PCDHA6: variants seen among roughly 807,000 people sequenced by gnomAD.
PCDHA6 encodes protocadherin alpha-6.
A neutral mutation model predicts 60.3 loss-of-function variants in PCDHA6; 55 were observed. The ratio of observed to expected loss-of-function variants is 0.91; its 90% CI spans 0.73 to 1.14. PCDHA6 has a LOEUF of 1.14. PCDHA6 is among the 50% of genes most tolerant of loss of function. The probability of loss-of-function intolerance (pLI) is 0.00; values close to 1 mark genes in which losing one functional copy is unlikely to be tolerated. For synonymous variants in PCDHA6, 652 were observed against 557.9 expected (o/e 1.17, Z -2.38); for missense variants, 1,327 against 1,256.5 (o/e 1.06, Z -0.85).
intron 1 of PCDHA6, among the ~76,000 whole-genome samples, chr5:140,912,282 C>A (rs1211433751): frequency 6.6e-6 from 1 of 151,982 alleles, no homozygotes; most frequent in African/African-American, 2.4e-5. Flanking sequence ...TACCCAGGAA[C>A]AATACTTTGC....
chr5:140,857,531 G>A, intron 1 of PCDHA6: 2 of 1,597,582 alleles, frequency 1.3e-6, no homozygotes, highest in East Asian at 2.2e-5. Context: ...CTCTCTGGTG[G>A]AGCGGCGGTT....
At chr5:140,916,367 C>T (rs1400347792) in intron 1 of PCDHA6, among the ~76,000 whole-genome samples, 2 of 152,196 alleles carry the variant, frequency 1.3e-5, no homozygotes, top group Non-Finnish European at 1.5e-5. Context: ...GAGTCTTTCA[C>T]TGTAGCCACC....
chr5:140,836,764 A>G (rs1774728694), intron 1 of PCDHA6: 2 of 1,563,418 alleles, frequency 1.3e-6, no homozygotes, highest in Non-Finnish European at 1.7e-6. Context: ...TCTTGTTTCC[A>G]ACAATTTTAA....
intron 1 of PCDHA6, chr5:140,871,085 CG>C: frequency 6.2e-7 from 1 of 1,613,246 alleles, no homozygotes. Context: ...CTGACGGCCA[CG>C]GCCACCGTGC....
intron 1 of PCDHA6, among the ~76,000 whole-genome samples, chr5:140,960,928 AAGTTT>A (rs2095579865): frequency 6.6e-6 from 1 of 152,184 alleles, no homozygotes; most frequent in South Asian, 2.1e-4. Context: ...AATTGGTACT[AAGTTT>A]AGTGAATTAG....
chr5:140,862,656 C>T, intron 1 of PCDHA6: 1 of 545,296 alleles, frequency 1.8e-6, no homozygotes, highest in Admixed American at 1.9e-5. Flanking sequence ...CCGCGCGGGA[C>T]CGGGACGCGC....
chr5:140,900,817 A>G (rs2068314504), intron 1 of PCDHA6, among the ~76,000 whole-genome samples: 1 of 152,154 alleles, frequency 6.6e-6, no homozygotes, highest in Non-Finnish European at 1.5e-5. Context: ...ACTAATTTAC[A>G]TTCCCACCAA....
At position 140,853,168 on chromosome 5, in the gene PCDHA6, C is replaced by T. The variant is rs2150529261; in HGVS notation, c.2394+22683C>T. 37 of 960,760 alleles carry T rather than the reference C, an allele frequency of 3.9e-5. 1 individual carries two copies. Among genetic ancestry groups the T allele is most frequent in the Admixed American group, 1.3e-4 (2 of 15,838 alleles). 59.5% of individuals were successfully genotyped at this position (960,760 alleles called of 1,614,324 possible). On this transcript the variant is annotated intron_variant, in intron 1 of 3. Transcript: ENST00000529310. ...TGCTGGGATTACAGGCGTGAGCCAC[C>T]GCGCCTGGCCTAAAATGTGTTCTTT... is the stretch of plus-strand genomic sequence containing the variant.
intron 1 of PCDHA6, chr5:140,968,973 C>T (rs1404110882): frequency 4.3e-6 from 7 of 1,614,076 alleles, no homozygotes; most frequent in African/African-American, 2.7e-5. Flanking sequence ...CGCTACACTG[C>T]GTATGGCACT....
In PCDHA6 at chr5:140,982,560, C is replaced by T. The variant is rs782437404; in HGVS notation, c.2539C>T (p.Pro847Ser). 6.2e-7 allele frequency: 1 copy of T among 1,614,098 alleles called. No homozygotes were observed. Among genetic ancestry groups the T allele is most frequent in the Admixed American group, 1.7e-5 (1 of 60,022 alleles). ...GTGGCCAACAGTATCCAGTGCAACA[C>T]CAGGTAAAGAGCTGGGGTCTCTCCA... ...QQWPTVSSAT[P>S]EPEAGEVSPP... The change falls in exon 3 of 4, where the codon CCA (proline) becomes TCA (serine). Residue 847 changes from proline (P) to serine (S), a missense_variant. Coordinates refer to ENST00000529310, the MANE Select transcript of PCDHA6 (RefSeq NM_018909.4).
At chr5:140,929,189 A>G (rs782622519) in intron 1 of PCDHA6, 62 of 1,614,180 alleles carry the variant, frequency 3.8e-5, no homozygotes, top group Non-Finnish European at 4.7e-5. Flanking sequence ...GGTTCTGATA[A>G]TAACAGTTTG....
intron 3 of PCDHA6, among the ~76,000 whole-genome samples, chr5:141,004,079 A>G (rs1192943756): frequency 1.3e-5 from 2 of 152,210 alleles, no homozygotes; most frequent in Non-Finnish European, 2.9e-5. Context: ...TTAGGGGTAG[A>G]AATGTGCTTC....
intron 3 of PCDHA6, among the ~76,000 whole-genome samples, chr5:140,996,006 C>G (rs962825775): frequency 6.6e-6 from 1 of 152,204 alleles, no homozygotes; most frequent in Non-Finnish European, 1.5e-5. Context: ...GTCGTCAGAA[C>G]TATTACTACT....
intron 1 of PCDHA6, among the ~76,000 whole-genome samples, chr5:140,947,308 A>G (rs1554218155): frequency 1.3e-5 from 2 of 151,606 alleles, no homozygotes; most frequent in Non-Finnish European, 3.0e-5. Context: ...ACATCTTTGT[A>G]AAAAGTCGGT....
At chr5:140,885,486 T>C (rs1420709904) in intron 1 of PCDHA6, among the ~76,000 whole-genome samples, 2 of 152,188 alleles carry the variant, frequency 1.3e-5, no homozygotes, top group Non-Finnish European at 2.9e-5. Context: ...TGTCAAGTGT[T>C]CTGTTATCTT....
At chr5:140,832,011 C>T (rs2150198992) in intron 1 of PCDHA6, among the ~76,000 whole-genome samples, 7 of 152,126 alleles carry the variant, frequency 4.6e-5, no homozygotes, top group South Asian at 2.1e-4. Flanking sequence ...TTTCATTTTA[C>T]GTAAAGATTG....
intron 1 of PCDHA6, among the ~76,000 whole-genome samples, chr5:140,943,562 T>G (rs246066): frequency 0.58 from 88,255 of 152,018 alleles, 26,572 homozygotes; most frequent in African/African-American, 0.75. Flanking sequence ...ACAATAATCA[T>G]TTTAATTTGT....
In PCDHA6 at chr5:140,855,633, A is replaced by G. The variant is rs2043544595; in HGVS notation, c.2394+25148A>G. On this transcript the variant is annotated intron_variant, in intron 1 of 3. Transcript: ENST00000529310. ...ATTAAGGGCATTTTGAAATTCGGCT[A>G]TTGATAATCATGTGGTTAGGGAAGA... 1.3e-5 allele frequency among the ~76,000 whole-genome samples: 2 copies of G among 149,874 alleles called. 1 individual carries two copies. Among genetic ancestry groups the G allele is most frequent in the African/African-American group, 4.9e-5 (2 of 40,848 alleles).
intron 1 of PCDHA6, chr5:140,967,383 T>A: frequency 6.2e-7 from 1 of 1,608,702 alleles, no homozygotes; most frequent in Non-Finnish European, 8.5e-7. Flanking sequence ...AACAGTAAAG[T>A]GCTTGAGCTG....
Sources: allele counts gnomAD v4.1 joint callset (sites outside exome capture counted in the v4.1 genomes callset), GRCh38; gene constraint gnomAD v4.1.1; transcripts MANE v1.5; gene names NCBI Gene and HGNC (gene_info 2026-07-23, HGNC 2026-07-21).